Variants in CDH13 observed in about 807,000 individuals in gnomAD.
CDH13 encodes cadherin 13.
Under a neutral mutation model 63.8 loss-of-function variants are expected in CDH13, and 24 were observed. That is an observed-to-expected ratio of 0.38 (90% confidence interval 0.27 to 0.53). The LOEUF is 0.53. Among genes scored for constraint, CDH13 ranks in the 20% least tolerant of loss-of-function variants. CDH13 has a pLI of 0.85. For missense variants in CDH13, 1,049 were observed against 903.1 expected, an observed-to-expected ratio of 1.16 and a Z score of -2.07; for synonymous variants, 503 against 355.3, an observed-to-expected ratio of 1.42 and a Z score of -4.67.
intron 2 of CDH13, among the ~76,000 whole-genome samples, chr16:82,874,038 A>G (rs541028306): frequency 7.6e-6 from 1 of 132,434 alleles, no homozygotes; most frequent in Non-Finnish European, 1.6e-5. Flanking sequence ...TCTGGAATTT[A>G]GAAAGATAAT....
chr16:82,894,799 T>C (rs538739030), intron 2 of CDH13, among the ~76,000 whole-genome samples: 57 of 152,144 alleles, frequency 3.7e-4, no homozygotes, highest in African/African-American at 1.2e-3. Flanking sequence ...GAGACAGAAA[T>C]AAAATGAGAG....
intron 11 of CDH13, among the ~76,000 whole-genome samples, chr16:83,769,952 A>T (rs1023680460): frequency 5.3e-5 from 8 of 152,216 alleles, no homozygotes; most frequent in Non-Finnish European, 7.3e-5. Flanking sequence ...GTTACGGTAC[A>T]TGACCTACTG....
At chr16:83,232,731 C>G (rs1003696953) in intron 5 of CDH13, among the ~76,000 whole-genome samples, 4 of 151,660 alleles carry the variant, frequency 2.6e-5, no homozygotes, top group Non-Finnish European at 4.4e-5. Context: ...AACCGTGAAC[C>G]AATTAAACCT....
chr16:83,410,653 A>C (rs951002298), intron 6 of CDH13, among the ~76,000 whole-genome samples: 1 of 152,144 alleles, frequency 6.6e-6, no homozygotes, highest in African/African-American at 2.4e-5. Context: ...GGTCATTTTA[A>C]ATATACCCCA....
chr16:83,250,470 A>G (rs1258120071), intron 5 of CDH13, among the ~76,000 whole-genome samples: 2 of 152,188 alleles, frequency 1.3e-5, no homozygotes, highest in Non-Finnish European at 2.9e-5. Context: ...AAGTGATAGC[A>G]GAAGTATGCA....
intron 10 of CDH13, among the ~76,000 whole-genome samples, chr16:83,683,895 T>C (rs1332502668): frequency 2.0e-5 from 3 of 152,246 alleles, no homozygotes; most frequent in Non-Finnish European, 4.4e-5. Flanking sequence ...CAAGATCATG[T>C]ACATCAGGTT....
chr16:83,265,334 A>G (rs1303212852), intron 5 of CDH13, among the ~76,000 whole-genome samples: 1 of 152,078 alleles, frequency 6.6e-6, no homozygotes, highest in Non-Finnish European at 1.5e-5. Context: ...TTATGTGTGT[A>G]TTTCGCATGC....
chr16:83,644,855 C>G (rs994502331), intron 8 of CDH13, among the ~76,000 whole-genome samples: 1 of 152,208 alleles, frequency 6.6e-6, no homozygotes, highest in Non-Finnish European at 1.5e-5. Context: ...GTGGAAGCCT[C>G]TAAGGCACAG....
intron 2 of CDH13, among the ~76,000 whole-genome samples, chr16:82,861,403 G>T (rs2039940774): frequency 1.3e-5 from 2 of 152,224 alleles, no homozygotes; most frequent in Admixed American, 1.3e-4. Flanking sequence ...AAAGTTGTCT[G>T]AAAGTGCTGT....
intron 5 of CDH13, among the ~76,000 whole-genome samples, chr16:83,225,039 C>T (rs1368098023): frequency 6.6e-6 from 1 of 152,174 alleles, no homozygotes; most frequent in Non-Finnish European, 1.5e-5. Flanking sequence ...ACAGCGTCAC[C>T]TGGGAACTTG....
At chr16:83,671,055 G>A in intron 9 of CDH13, 83 bp downstream of exon 9, 5 of 1,201,504 alleles carry the variant, frequency 4.2e-6, no homozygotes, top group Non-Finnish European at 5.8e-6. Context: ...ATTGAGTTTA[G>A]AAGGCCACAG....
intron 6 of CDH13, among the ~76,000 whole-genome samples, chr16:83,361,501 C>T (rs1207622095): frequency 6.6e-6 from 1 of 152,100 alleles, no homozygotes; most frequent in Non-Finnish European, 1.5e-5. Flanking sequence ...TAAATTATTT[C>T]CCAAGGCCAA....
intron 7 of CDH13, among the ~76,000 whole-genome samples, chr16:83,594,820 G>A (rs1219352359): frequency 1.3e-5 from 2 of 152,190 alleles, no homozygotes; most frequent in East Asian, 1.9e-4. Context: ...GCAAAACGTC[G>A]AGGGTCTGGT....
At chr16:82,782,385 C>G (rs769690211) in intron 1 of CDH13, among the ~76,000 whole-genome samples, 24 of 152,108 alleles carry the variant, frequency 1.6e-4, no homozygotes, top group Non-Finnish European at 3.4e-4. Flanking sequence ...CATGGTGAAA[C>G]TCTGTCTTTA....
chr16:82,707,832 G>A (rs191404548), intron 1 of CDH13, among the ~76,000 whole-genome samples: 1 of 152,318 alleles, frequency 6.6e-6, no homozygotes, highest in Non-Finnish European at 1.5e-5. Context: ...TGGTTTCAGA[G>A]AAGAGGAACA....
intron 2 of CDH13, among the ~76,000 whole-genome samples, chr16:82,961,897 C>G (rs986709148): frequency 5.3e-5 from 8 of 152,182 alleles, no homozygotes; most frequent in African/African-American, 1.9e-4. Context: ...CTACAATGCA[C>G]TAGACAACCT....
At chr16:82,781,491 A>G (rs1008943404) in intron 1 of CDH13, among the ~76,000 whole-genome samples, 7 of 152,052 alleles carry the variant, frequency 4.6e-5, no homozygotes, top group Admixed American at 6.6e-5. Context: ...CTATACATCC[A>G]TCTACCCATC....
intron 10 of CDH13, among the ~76,000 whole-genome samples, chr16:83,743,954 G>C (rs563046651): frequency 1.3e-5 from 2 of 151,806 alleles, no homozygotes; most frequent in Non-Finnish European, 2.9e-5. Context: ...GCATGCTGGT[G>C]CTACATTCCA....
At chr16:83,244,639 C>T (rs571489084) in intron 5 of CDH13, among the ~76,000 whole-genome samples, 3 of 152,056 alleles carry the variant, frequency 2.0e-5, no homozygotes, top group African/African-American at 7.3e-5. Flanking sequence ...CTCATGGACT[C>T]TACATCTAGT....
Sources: allele counts gnomAD v4.1 joint callset (sites outside exome capture counted in the v4.1 genomes callset), GRCh38; gene constraint gnomAD v4.1.1; transcripts MANE v1.5; gene names NCBI Gene and HGNC (gene_info 2026-07-23, HGNC 2026-07-21).